Variants in DPH6 observed in about 807,000 individuals in gnomAD.
DPH6 encodes the protein diphthamine biosynthesis 6.
DPH6 carries 33 observed loss-of-function variants against 38.2 expected under a neutral mutation model. The observed-to-expected ratio is 0.86, with a 90% CI of 0.65 to 1.15. The LOEUF is 1.15. Among genes scored for constraint, DPH6 ranks in the 50% most tolerant of loss-of-function variants. DPH6 has a pLI of 0.00. For missense variants in DPH6, 325 were observed against 320.0 expected (o/e 1.02, Z -0.12); for synonymous variants, 108 against 103.0 (o/e 1.05, Z -0.30).
downstream of DPH6, among the ~76,000 whole-genome samples, chr15:35,212,424 T>TGGGTCTATGCTCTGCAGC (rs2051393372): frequency 5.9e-5 from 9 of 152,170 alleles, 1 homozygote; most frequent in African/African-American, 2.2e-4. Context: ...GCAAAAGAAA[T>TGGGTCTATGCTCTGCAGC]ACAAGCAGGT....
chr15:35,352,263 T>C (rs2052519401), intron 3 of DPH6, among the ~76,000 whole-genome samples: 1 of 152,164 alleles, frequency 6.6e-6, no homozygotes, highest in African/African-American at 2.4e-5. Flanking sequence ...AAAGCAGTCC[T>C]AGTGATAATG....
chr15:35,543,085 A>G (rs999837588), intron 1 of DPH6, among the ~76,000 whole-genome samples: 1 of 146,836 alleles, frequency 6.8e-6, no homozygotes, highest in South Asian at 2.1e-4. Context: ...CAGCAATTAA[A>G]GGATCAAATT....
chr15:35,231,602 C>A (rs1195971878), intron 3 of DPH6, among the ~76,000 whole-genome samples: 3 of 152,204 alleles, frequency 2.0e-5, no homozygotes, highest in Non-Finnish European at 4.4e-5. Context: ...CTCCACCCAT[C>A]TCTGTAATCA....
chr15:35,152,176 C>T, the DPH6 span, among the ~76,000 whole-genome samples: 2 of 152,132 alleles, frequency 1.3e-5, no homozygotes, highest in South Asian at 4.2e-4. Flanking sequence ...ATCAATTAGC[C>T]TATGGTAAAA....
At chr15:35,496,107 T>C (rs2054545406) in intron 3 of DPH6, among the ~76,000 whole-genome samples, 2 of 152,202 alleles carry the variant, frequency 1.3e-5, no homozygotes, top group African/African-American at 4.8e-5. Context: ...CAGGAGAGTA[T>C]CTTCATGACT....
downstream of DPH6, among the ~76,000 whole-genome samples, chr15:35,369,530 T>C (rs2140917408): frequency 6.6e-6 from 1 of 151,214 alleles, no homozygotes; most frequent in East Asian, 2.0e-4. Context: ...GCTGGCAACA[T>C]GTGAAAGTTT....
Position 35,371,458 on chromosome 15 carries a change from A to T in DPH6, c.*692T>A. On this transcript the variant is annotated 3_prime_UTR_variant, in exon 9 of 9. Transcript: ENST00000256538. ...GGAGGCTGTGAATGTGTGGAGGTAG[A>T]GGGTATATGGGAAATCTCTGCATTT... 1 of 464,804 alleles carries T rather than the reference A, an allele frequency of 2.2e-6. No individual in the cohort carries two copies. Among genetic ancestry groups the T allele is most frequent in the Non-Finnish European group, 2.8e-6 (1 of 354,728 alleles). The allele number at this position is 464,804 out of a possible 1,614,324, so 28.8% of individuals were successfully genotyped here. A position where few individuals can be genotyped will look rare whatever the true frequency, so the allele number is the denominator to read the frequency against.
At chr15:35,493,646 A>T (rs1455006721) in intron 3 of DPH6, among the ~76,000 whole-genome samples, 1 of 152,100 alleles carries the variant, frequency 6.6e-6, no homozygotes, top group Non-Finnish European at 1.5e-5. Flanking sequence ...GTTTATTAAT[A>T]TGGAAACTGA....
chr15:35,326,088 C>T (rs181639969), downstream of DPH6, among the ~76,000 whole-genome samples: 43 of 152,226 alleles, frequency 2.8e-4, 2 homozygotes, highest in East Asian at 7.9e-3. Flanking sequence ...CAATACATTG[C>T]TGATGGAAGT....
intron 3 of DPH6, among the ~76,000 whole-genome samples, chr15:35,268,396 A>G (rs1158095908): frequency 6.6e-6 from 1 of 151,928 alleles, no homozygotes; most frequent in Non-Finnish European, 1.5e-5. Flanking sequence ...AGGTGAAAAT[A>G]CAGGTCTGAG....
At chr15:35,515,083 A>G (rs749090583) in intron 3 of DPH6, among the ~76,000 whole-genome samples, 1 of 152,186 alleles carries the variant, frequency 6.6e-6, no homozygotes, top group Non-Finnish European at 1.5e-5. Flanking sequence ...TGTTGCCTTA[A>G]TCAGCTACAT....
intron 2 of DPH6, among the ~76,000 whole-genome samples, chr15:35,541,414 G>A (rs1318796534): frequency 6.6e-6 from 1 of 152,102 alleles, no homozygotes; most frequent in Non-Finnish European, 1.5e-5. Flanking sequence ...AAGGAAGATA[G>A]AAGATATGAT....
intron 5 of DPH6, among the ~76,000 whole-genome samples, chr15:35,432,495 A>G (rs1335301517): frequency 6.6e-6 from 1 of 152,216 alleles, no homozygotes; most frequent in Non-Finnish European, 1.5e-5. Flanking sequence ...GATGACAGAA[A>G]TATCAAACTG....
chr15:35,178,264 A>C, the DPH6 span, among the ~76,000 whole-genome samples: 1 of 152,192 alleles, frequency 6.6e-6, no homozygotes, highest in African/African-American at 2.4e-5. Context: ...GCTAACAAAG[A>C]TATACCTGAG....
At chr15:35,343,450 G>A (rs560094925) in intron 3 of DPH6, among the ~76,000 whole-genome samples, 1 of 151,870 alleles carries the variant, frequency 6.6e-6, no homozygotes, top group African/African-American at 2.4e-5. Flanking sequence ...TATAGTTAGG[G>A]TGCATAGTTA....
At chr15:35,161,392 C>T in the DPH6 span, among the ~76,000 whole-genome samples, 1 of 151,388 alleles carries the variant, frequency 6.6e-6, no homozygotes, top group Non-Finnish European at 1.5e-5. Context: ...TCAAACTCTC[C>T]CTGAGCTCCA....
intron 3 of DPH6, among the ~76,000 whole-genome samples, chr15:35,271,132 C>A (rs982537891): frequency 6.6e-6 from 1 of 152,178 alleles, no homozygotes; most frequent in Non-Finnish European, 1.5e-5. Context: ...ATTAGTTCAG[C>A]CAAACTTCTT....
chr15:35,272,026 T>A (rs950240599), intron 3 of DPH6, among the ~76,000 whole-genome samples: 4 of 152,228 alleles, frequency 2.6e-5, no homozygotes, highest in Admixed American at 6.5e-5. Context: ...AGGGTGTTTG[T>A]GAACATTAAA....
chr15:35,428,030 C>G (rs768075125), intron 5 of DPH6, among the ~76,000 whole-genome samples: 1 of 151,800 alleles, frequency 6.6e-6, no homozygotes, highest in Non-Finnish European at 1.5e-5. Context: ...GAAAGTAGAC[C>G]AGGAGGCAAT....
Sources: allele counts gnomAD v4.1 joint callset (sites outside exome capture counted in the v4.1 genomes callset), GRCh38; gene constraint gnomAD v4.1.1; transcripts MANE v1.5; gene names NCBI Gene and HGNC (gene_info 2026-07-23, HGNC 2026-07-21).